Variants in ELP3 observed in about 807,000 individuals in gnomAD.
The protein encoded by ELP3 is elongator complex protein 3.
A neutral mutation model predicts 74.9 loss-of-function variants in ELP3; 56 were observed. That is an observed-to-expected ratio of 0.75 (90% CI 0.60 to 0.93). ELP3 has a LOEUF of 0.93. Among genes scored for constraint, ELP3 ranks in the 40% least tolerant of loss-of-function variants. The pLI is 0.00. For synonymous variants in ELP3, 222 were observed against 239.8 expected, an observed-to-expected ratio of 0.93 and a Z score of 0.68; for missense variants, 573 against 686.5, an observed-to-expected ratio of 0.83 and a Z score of 1.85.
At chr8:28,181,073 G>T (rs1814993238) in intron 14 of ELP3, among the ~76,000 whole-genome samples, 1 of 152,076 alleles carries the variant, frequency 6.6e-6, no homozygotes, top group Non-Finnish European at 1.5e-5. Flanking sequence ...CTCCCCTCTG[G>T]AAGCTCACAT....
chr8:28,172,899 A>AT (rs558426546), intron 14 of ELP3, among the ~76,000 whole-genome samples: 2 of 151,192 alleles, frequency 1.3e-5, no homozygotes, highest in Middle Eastern at 3.2e-3. Flanking sequence ...TGATTGTATG[A>AT]TTTTTTTTCC....
chr8:28,110,603 G>T, intron 6 of ELP3, 165 bp downstream of exon 6: 1 of 591,712 alleles, frequency 1.7e-6, no homozygotes, highest in East Asian at 3.0e-5. Flanking sequence ...GCCATGCCTA[G>T]CAAGGTCAAA....
At position 28,099,941 on chromosome 8, in the gene ELP3, C is replaced by T. The variant is rs367851292; in HGVS notation, c.233C>T (p.Ala78Val). 9 of 1,614,016 alleles carry T rather than the reference C, an allele frequency of 5.6e-6. No homozygotes were observed. The highest frequency in any genetic ancestry group is 1.7e-5 in the Admixed American group (1 of 60,002). ...YRKVLMPKLK[A>V]KPIRTASGIA... Reference sequence around the variant, plus strand: ...AAGGTCTTGATGCCCAAGTTAAAGGCGAAACCCATCAGAACTGCTAGTGGG... The same window carrying T: ...AAGGTCTTGATGCCCAAGTTAAAGGTGAAACCCATCAGAACTGCTAGTGGG... Residue 78 changes from alanine (A) to valine (V), a missense_variant, in exon 3 of 15, where the codon GCG becomes GTG. Physicochemically the swap from Ala to Val is moderately conservative, Grantham distance 64. Coordinates refer to ENST00000256398, the MANE Select transcript of ELP3 (RefSeq NM_018091.6).
chr8:28,102,109 T>C (rs971093448), intron 3 of ELP3, among the ~76,000 whole-genome samples: 2 of 152,202 alleles, frequency 1.3e-5, no homozygotes, highest in African/African-American at 2.4e-5. Context: ...TTTGGTATTT[T>C]ACATGCTTTC....
intron 7 of ELP3, among the ~76,000 whole-genome samples, chr8:28,115,010 A>C: frequency 6.6e-6 from 1 of 152,148 alleles, no homozygotes; most frequent in Non-Finnish European, 1.5e-5. Context: ...AGATGGGGGT[A>C]AGAGAAAAGA....
Position 28,099,842 on chromosome 8 carries a change from C to T in ELP3, c.134C>T (p.Thr45Ile), listed in dbSNP as rs746240180. 1.9e-6 allele frequency: 3 copies of T among 1,614,222 alleles called. No homozygotes were observed. The highest frequency in any genetic ancestry group is 2.2e-5 in the East Asian group (1 of 44,892). ...DIDLNKVKTK[T>I]AAKYGLSAQP... ...TTTACTTTCAGGGTGAAAACCAAGA[C>T]AGCTGCCAAATATGGCCTTTCTGCC... Residue 45 changes from threonine to isoleucine, a missense_variant, in exon 3 of 15, where the codon ACA becomes ATA. Thr to Ile is a moderately conservative substitution (Grantham distance 89, BLOSUM62 -1). Coordinates refer to ENST00000256398, the MANE Select transcript of ELP3 (RefSeq NM_018091.6).
chr8:28,110,722 A>T (rs1207253851), intron 6 of ELP3: 1 of 306,578 alleles, frequency 3.3e-6, no homozygotes, highest in East Asian at 8.2e-5. Context: ...TGGAATAAAG[A>T]TGTATGAAAG....
chr8:28,180,742 G>A (rs1814975538), intron 14 of ELP3, among the ~76,000 whole-genome samples: 1 of 152,192 alleles, frequency 6.6e-6, no homozygotes, highest in African/African-American at 2.4e-5. Context: ...CTAGGACCAA[G>A]GCTGTGGTTT....
intron 10 of ELP3, among the ~76,000 whole-genome samples, chr8:28,139,238 A>G (rs896959521): frequency 6.6e-6 from 1 of 152,180 alleles, no homozygotes; most frequent in Non-Finnish European, 1.5e-5. Flanking sequence ...GCAAGAAAAG[A>G]CCAGTTACTT....
chr8:28,161,230 G>C lies in ELP3; in HGVS notation c.1486-767G>C, dbSNP rs1446363806. Among the ~76,000 whole-genome samples the C allele has an allele frequency of 3.3e-5, 5 of 152,212 alleles. No individual in the cohort carries two copies. The South Asian group carries it at 1.0e-3, about 32-fold the overall frequency. ...AAACCTAATGGCGGATATGATATAC[G>C]AGCCAAAATTGATTATTTAAGAATT... On this transcript the variant is annotated intron_variant, in intron 13 of 14. Transcript: ENST00000256398.
intron 14 of ELP3, among the ~76,000 whole-genome samples, chr8:28,186,393 T>C (rs1049218284): frequency 1.3e-5 from 2 of 152,334 alleles, no homozygotes; most frequent in African/African-American, 4.8e-5. Context: ...TTGGGACTGA[T>C]TAATTCAGGG....
rs1813490764 is a variant in ELP3, at chr8:28,147,858, AG to A, written c.1101-8083del. ...CACAGAACATCTTGTCTTTCCAGAG[AG>A]TAAGTAAATAATCAAAGAATGACAG... On this transcript the variant is annotated intron_variant, in intron 10 of 14. Transcript: ENST00000256398. This position sits in a 1 kb window ranked among gnomAD's most constrained non-coding sequence, Gnocchi z 4.5. Among the ~76,000 whole-genome samples the A allele has an allele frequency of 6.6e-6, 1 of 152,162 alleles. No homozygotes were observed. Among genetic ancestry groups the A allele is most frequent in the African/African-American group, 2.4e-5 (1 of 41,444 alleles).
chr8:28,090,482 G>GGTGTGGGTGT (rs1554492429), upstream of ELP3: 20 of 160,310 alleles, frequency 1.2e-4, no homozygotes, highest in African/African-American at 5.3e-4. Context: ...CTGATGGGTG[G>GGTGTGGGTGT]GTGTGTGTGT....
chr8:28,102,623 T>C, intron 3 of ELP3, among the ~76,000 whole-genome samples: 1 of 152,118 alleles, frequency 6.6e-6, no homozygotes, highest in East Asian at 1.9e-4. Flanking sequence ...TAGTTTTAGG[T>C]TTATAGAGAA....
intron 5 of ELP3, among the ~76,000 whole-genome samples, chr8:28,108,735 G>A (rs576003957): frequency 6.6e-6 from 1 of 152,290 alleles, no homozygotes; most frequent in African/African-American, 2.4e-5. Flanking sequence ...GGGATTACAG[G>A]CGTTAGCCAC....
At chr8:28,172,453 G>C (rs1585744571) in intron 14 of ELP3, among the ~76,000 whole-genome samples, 1 of 152,012 alleles carries the variant, frequency 6.6e-6, no homozygotes, top group East Asian at 1.9e-4. Flanking sequence ...TTCATTGTAA[G>C]CATATAGAAA....
chr8:28,166,169 A>C (rs1340124450), intron 14 of ELP3, among the ~76,000 whole-genome samples: 1 of 152,134 alleles, frequency 6.6e-6, no homozygotes, highest in African/African-American at 2.4e-5. Context: ...GATGTGTGAA[A>C]TGTCACCCTG....
intron 14 of ELP3, among the ~76,000 whole-genome samples, chr8:28,165,806 T>C (rs1237551684): frequency 6.6e-6 from 1 of 152,220 alleles, no homozygotes; most frequent in East Asian, 1.9e-4. Flanking sequence ...GGTATTCTTT[T>C]TTCTGTATTT....
At chr8:28,099,282 A>T (rs541152732) in intron 2 of ELP3, among the ~76,000 whole-genome samples, 112 of 151,372 alleles carry the variant, frequency 7.4e-4, no homozygotes, top group Non-Finnish European at 6.8e-4. Flanking sequence ...TTTTTTTTTT[A>T]ATTGTTGTTG....
Sources: gnomAD v4.1 joint callset for allele counts (sites outside exome capture counted in the v4.1 genomes callset) on GRCh38, gnomAD v4.1.1 for gene constraint, Gnocchi (gnomAD v3.1) non-coding constraint, MANE v1.5 for transcripts, NCBI Gene and HGNC (gene_info 2026-07-23, HGNC 2026-07-21) for gene names.